The following MAP3K5 variants were observed in gnomAD, a reference collection of about 807,000 sequenced individuals.
The protein encoded by MAP3K5 is mitogen-activated protein kinase kinase kinase 5, also known as ASK-1.
Under a neutral mutation model 158.7 loss-of-function variants are expected in MAP3K5, and 56 were observed. The observed-to-expected ratio is 0.35, with a 90% confidence interval of 0.28 to 0.44. The LOEUF is 0.44. MAP3K5 is among the 20% of genes least tolerant of loss of function. The probability of loss-of-function intolerance (pLI) is 1.00; values close to 1 mark genes in which losing one functional copy is unlikely to be tolerated. For synonymous variants in MAP3K5, 579 were observed against 601.7 expected (o/e 0.96, Z 0.55); for missense variants, 1,294 against 1,674.8 (o/e 0.77, Z 3.97).
intron 25 of MAP3K5, among the ~76,000 whole-genome samples, chr6:136,576,976 C>T (rs1774649679): frequency 6.6e-6 from 1 of 151,940 alleles, no homozygotes; most frequent in Admixed American, 6.6e-5. Flanking sequence ...CTAGTAGGCT[C>T]TGCCATCTAG....
intron 25 of MAP3K5, among the ~76,000 whole-genome samples, chr6:136,575,073 T>C (rs1774551199): frequency 1.3e-5 from 2 of 152,098 alleles, no homozygotes; most frequent in South Asian, 2.1e-4. Flanking sequence ...AGTTCCTGTA[T>C]AGCCTTCAGC....
Position 136,789,611 on chromosome 6 carries a change from T to A in MAP3K5, c.448+2099A>T, listed in dbSNP as rs556974491. Among the ~76,000 whole-genome samples, 15 of 151,176 alleles carry A rather than the reference T, an allele frequency of 9.9e-5. No homozygotes were observed. The South Asian group carries it at 2.5e-3, about 25-fold the overall frequency. ...CTCACATGATTCCAAGATAGGGAGC[T>A]TCCCTTGATTCTGAGAGTAACTCAG... On this transcript the variant is annotated intron_variant, in intron 1 of 29. Coordinates refer to ENST00000359015, the MANE Select transcript of MAP3K5 (RefSeq NM_005923.4).
chr6:136,659,659 T>C (rs1367151849), intron 8 of MAP3K5, among the ~76,000 whole-genome samples: 5 of 152,216 alleles, frequency 3.3e-5, no homozygotes, highest in African/African-American at 1.2e-4. Flanking sequence ...AAGAGGTACC[T>C]GTAACAGTCA....
intron 21 of MAP3K5, among the ~76,000 whole-genome samples, chr6:136,594,677 A>T (rs1254977522): frequency 6.6e-6 from 1 of 152,216 alleles, no homozygotes; most frequent in Non-Finnish European, 1.5e-5. Flanking sequence ...TGCCACACTC[A>T]GAAACGGAGG....
At chr6:136,772,168 C>T (rs528223915) in intron 1 of MAP3K5, among the ~76,000 whole-genome samples, 3 of 151,314 alleles carry the variant, frequency 2.0e-5, no homozygotes, top group South Asian at 2.1e-4. Flanking sequence ...CTGCGCCCCT[C>T]GGCCTCCCAA....
At chr6:136,603,339 A>ATT (rs746959147) in intron 19 of MAP3K5, among the ~76,000 whole-genome samples, 34 of 132,952 alleles carry the variant, frequency 2.6e-4, no homozygotes, top group African/African-American at 8.9e-4. Flanking sequence ...TGCCCCCCTA[A>ATT]TTTTTTTTTT....
intron 7 of MAP3K5, among the ~76,000 whole-genome samples, chr6:136,687,649 C>T (rs772439767): frequency 2.6e-5 from 4 of 152,088 alleles, no homozygotes; most frequent in East Asian, 1.9e-4. Context: ...GACATTTATG[C>T]GGCCAACAAA....
Position 136,581,603 on chromosome 6 carries a change from C to T in MAP3K5, c.3412-1197G>A, listed in dbSNP as rs193137915. Among the ~76,000 whole-genome samples, 13 of 152,284 alleles carry T rather than the reference C, an allele frequency of 8.5e-5. No individual in the cohort carries two copies. The South Asian group carries it at 1.5e-3, about 17-fold the overall frequency. On this transcript the variant is annotated intron_variant, in intron 24 of 29. Coordinates refer to ENST00000359015, the MANE Select transcript of MAP3K5 (RefSeq NM_005923.4). ...CCCAGCCACAAACCCATGTCAAGAG[C>T]TGGAGCTCCAGTTGCTCATGCCTGT... is the stretch of plus-strand genomic sequence containing the variant.
intron 26 of MAP3K5, among the ~76,000 whole-genome samples, chr6:136,565,535 G>T (rs1257712351): frequency 2.0e-5 from 3 of 152,196 alleles, no homozygotes; most frequent in African/African-American, 7.2e-5. Flanking sequence ...GGGCTCAGGT[G>T]ATCCTCCAAG....
intron 14 of MAP3K5, among the ~76,000 whole-genome samples, chr6:136,635,643 T>G (rs1441104735): frequency 3.3e-5 from 5 of 150,098 alleles, no homozygotes; most frequent in Admixed American, 1.3e-4. Context: ...ATCCCAGCAC[T>G]TTGGGAGGCC....
At chr6:136,650,817 T>C (rs1280097945) in intron 11 of MAP3K5, among the ~76,000 whole-genome samples, 167 bp downstream of exon 11, 1 of 152,198 alleles carries the variant, frequency 6.6e-6, no homozygotes. Context: ...AATTCATAAT[T>C]CAAATTTAAC....
chr6:136,731,059 A>C (rs1430551208), intron 1 of MAP3K5, among the ~76,000 whole-genome samples: 1 of 152,252 alleles, frequency 6.6e-6, no homozygotes, highest in Admixed American at 6.5e-5. Flanking sequence ...GAATCCAGAT[A>C]CAAAGGACTA....
intron 15 of MAP3K5, 80 bp downstream of exon 15, chr6:136,622,768 A>G (rs1776865195): frequency 7.0e-7 from 1 of 1,432,454 alleles, no homozygotes; most frequent in Non-Finnish European, 9.7e-7. Flanking sequence ...ATTCATTAGA[A>G]TATCATCAAG....
intron 26 of MAP3K5, among the ~76,000 whole-genome samples, chr6:136,563,894 GATTT>G (rs1296182252): frequency 6.6e-6 from 1 of 152,158 alleles, no homozygotes; most frequent in East Asian, 1.9e-4. Context: ...AGTATTGATA[GATTT>G]AACTCAAGAG....
At chr6:136,656,277 T>C (rs768345509) in intron 10 of MAP3K5, 30 bp downstream of exon 10, 12 of 1,599,086 alleles carry the variant, frequency 7.5e-6, no homozygotes, top group Non-Finnish European at 9.4e-6. Flanking sequence ...AATAAAGAAA[T>C]GTACTTAGAT....
intron 3 of MAP3K5, among the ~76,000 whole-genome samples, chr6:136,702,732 G>C (rs1052048786): frequency 6.6e-6 from 1 of 152,160 alleles, no homozygotes; most frequent in Non-Finnish European, 1.5e-5. Context: ...ATCTTACTCT[G>C]TTGCCTAGGC....
rs1693813618 is a variant in MAP3K5 at position 136,614,149 on chromosome 6, T to C, written c.2278+10A>G. The C allele has an allele frequency of 6.2e-7, 1 of 1,607,614 alleles. No individual in the cohort carries two copies. The highest frequency in any genetic ancestry group is 1.3e-5 in the African/African-American group (1 of 74,292). ...CATTCACACTTTTTAAAGAAAGAAA[T>C]ATCTCTTACCTCCAGGGACCTGCTC... On this transcript the variant is annotated intron_variant, in intron 16 of 29. Transcript: ENST00000359015.
At chr6:136,684,707 G>A (rs761082335) in intron 7 of MAP3K5, among the ~76,000 whole-genome samples, 1 of 152,116 alleles carries the variant, frequency 6.6e-6, no homozygotes, top group Non-Finnish European at 1.5e-5. Context: ...TTCTCCTGCA[G>A]CCCAAGTTGT....
At chr6:136,616,999 T>C (rs1776595735) in intron 15 of MAP3K5, among the ~76,000 whole-genome samples, 1 of 152,172 alleles carries the variant, frequency 6.6e-6, no homozygotes, top group Admixed American at 6.5e-5. Flanking sequence ...ATTACAGGCA[T>C]GCACCACCAT....
Sources: allele counts gnomAD v4.1 joint callset (sites outside exome capture counted in the v4.1 genomes callset), GRCh38; gene constraint gnomAD v4.1.1; transcripts MANE v1.5; gene names NCBI Gene and HGNC (gene_info 2026-07-23, HGNC 2026-07-21).